MACROD2: variants seen among roughly 807,000 people sequenced by gnomAD.
The protein encoded by MACROD2 is mono-ADP ribosylhydrolase 2, also known as ADP-ribose glycohydrolase MACROD2.
In MACROD2, 36 loss-of-function variants were observed where a neutral mutation model predicts 70.4. The observed-to-expected ratio is 0.51, with a 90% confidence interval of 0.39 to 0.68. The LOEUF is 0.68. Ranked by LOEUF, MACROD2 falls within the 30% of genes least tolerant of loss-of-function variation. MACROD2 has a pLI of 0.00. For missense variants in MACROD2, 496 were observed against 538.4 expected (o/e 0.92, Z 0.78); for synonymous variants, 172 against 178.8 (o/e 0.96, Z 0.30).
chr20:15,208,303 C>G (rs6043134), intron 5 of MACROD2, among the ~76,000 whole-genome samples: 1 of 151,932 alleles, frequency 6.6e-6, no homozygotes, highest in African/African-American at 2.4e-5. Flanking sequence ...TTTGCTGAGA[C>G]TTTCTATCTG....
intron 3 of MACROD2, among the ~76,000 whole-genome samples, chr20:14,275,776 A>G (rs1187381444): frequency 4.6e-5 from 7 of 151,992 alleles, no homozygotes; most frequent in Non-Finnish European, 1.0e-4. Flanking sequence ...AACTCAAACA[A>G]ATTTACAAGA....
At chr20:14,351,414 A>C (rs958191415) in intron 3 of MACROD2, among the ~76,000 whole-genome samples, 4 of 151,940 alleles carry the variant, frequency 2.6e-5, no homozygotes, top group African/African-American at 9.7e-5. Context: ...TGTTGTCTTC[A>C]ATTTCTTGCA....
intron 8 of MACROD2, among the ~76,000 whole-genome samples, chr20:15,771,968 C>G (rs142905672): frequency 0.022 from 3,366 of 149,990 alleles, 119 homozygotes; most frequent in African/African-American, 0.079. Context: ...ACCTGTAGTC[C>G]CAGCTACTCA....
At chr20:15,800,798 G>A (rs1045943743) in intron 8 of MACROD2, among the ~76,000 whole-genome samples, 1 of 152,014 alleles carries the variant, frequency 6.6e-6, no homozygotes, top group Admixed American at 6.5e-5. Context: ...CTGTGTCTGT[G>A]TAGAAAGAGG....
chr20:15,154,748 C>T (rs147582866), intron 5 of MACROD2, among the ~76,000 whole-genome samples: 81 of 152,290 alleles, frequency 5.3e-4, no homozygotes, highest in African/African-American at 1.6e-3. Context: ...CGATCACTTC[C>T]CAAAGGCTCC....
At chr20:15,450,388 G>A (rs2046624267) in intron 7 of MACROD2, among the ~76,000 whole-genome samples, 1 of 151,828 alleles carries the variant, frequency 6.6e-6, no homozygotes, top group Non-Finnish European at 1.5e-5. Context: ...TTTCCCAAAT[G>A]ATACCTATTT....
chr20:15,279,721 C>G (rs1444675016), intron 6 of MACROD2, among the ~76,000 whole-genome samples: 2 of 152,104 alleles, frequency 1.3e-5, no homozygotes, highest in Non-Finnish European at 2.9e-5. Context: ...TTCATAATGA[C>G]TGTGGTATTG....
At chr20:14,709,636 G>A (rs1369896037) in intron 5 of MACROD2, among the ~76,000 whole-genome samples, 2 of 152,150 alleles carry the variant, frequency 1.3e-5, no homozygotes, top group Non-Finnish European at 1.5e-5. Context: ...GATGACAGCT[G>A]ACCTTTGGAT....
intron 3 of MACROD2, among the ~76,000 whole-genome samples, chr20:14,249,900 C>A (rs184116063): frequency 6.6e-6 from 1 of 151,860 alleles, no homozygotes; most frequent in Non-Finnish European, 1.5e-5. Context: ...CACCCAGACA[C>A]GGGGGTGGGG....
chr20:15,037,069 A>T (rs1479177948), intron 5 of MACROD2, among the ~76,000 whole-genome samples: 1 of 152,078 alleles, frequency 6.6e-6, no homozygotes, highest in African/African-American at 2.4e-5. Context: ...TCTCCTGCTT[A>T]GCTTATCTGT....
At chr20:14,672,436 A>C (rs182821480) in intron 4 of MACROD2, among the ~76,000 whole-genome samples, 2 of 152,306 alleles carry the variant, frequency 1.3e-5, no homozygotes, top group Admixed American at 1.3e-4. Flanking sequence ...TGACCAAAGC[A>C]AGTCATGAGA....
intron 3 of MACROD2, among the ~76,000 whole-genome samples, chr20:14,311,137 T>G (rs2082563666): frequency 6.6e-6 from 1 of 152,188 alleles, no homozygotes; most frequent in African/African-American, 2.4e-5. Flanking sequence ...GTTCTAGGCC[T>G]TCACATTCAC....
At chr20:14,676,624 A>T in intron 4 of MACROD2, among the ~76,000 whole-genome samples, 1 of 152,280 alleles carries the variant, frequency 6.6e-6, no homozygotes, top group East Asian at 1.9e-4. Flanking sequence ...TGAAAGATCT[A>T]AAATCGACAC....
intron 4 of MACROD2, among the ~76,000 whole-genome samples, chr20:14,585,140 AT>A (rs529495249): frequency 2.3e-4 from 35 of 152,302 alleles, no homozygotes; most frequent in African/African-American, 7.7e-4. Flanking sequence ...TAAGGGAACA[AT>A]AGCTGAGTCC....
At chr20:14,867,592 A>G (rs1010309942) in intron 5 of MACROD2, among the ~76,000 whole-genome samples, 1 of 152,134 alleles carries the variant, frequency 6.6e-6, no homozygotes, top group Non-Finnish European at 1.5e-5. Flanking sequence ...CCAGCCTTCT[A>G]TCTACATCTG....
chr20:15,783,885 T>G (rs1468979127), intron 8 of MACROD2, among the ~76,000 whole-genome samples: 1 of 152,046 alleles, frequency 6.6e-6, no homozygotes, highest in Non-Finnish European at 1.5e-5. Flanking sequence ...ACACTTAAAA[T>G]AGACTCATGC....
At chr20:15,191,916 G>A (rs2076572988) in intron 5 of MACROD2, among the ~76,000 whole-genome samples, 2 of 63,414 alleles carry the variant, frequency 3.2e-5, no homozygotes, top group South Asian at 1.5e-3. Flanking sequence ...ACACATATGT[G>A]TATATATATA....
At position 14,068,053 on chromosome 20, in the gene MACROD2, A is replaced by T. The variant is rs185893571; in HGVS notation, c.164-17568A>T. 3.3e-3 allele frequency among the ~76,000 whole-genome samples: 505 copies of T among 152,362 alleles called. 2 individuals are homozygous for T. The highest frequency in any genetic ancestry group is 9.9e-3 in the South Asian group (48 of 4,830). The stretch of plus-strand genomic sequence containing the variant: ...TATTTTAGGAAAGGGTAGAATTAGG[A>T]TGTCTGCAGATGGCTCCATTGTTCG... On this transcript the variant is annotated intron_variant, in intron 2 of 17. Transcript: ENST00000684519.
chr20:14,734,800 A>G (rs1329578286), intron 5 of MACROD2, among the ~76,000 whole-genome samples: 1 of 152,192 alleles, frequency 6.6e-6, no homozygotes, highest in East Asian at 1.9e-4. Flanking sequence ...ATATAGACCA[A>G]TGAAATAGAA....
Sources: gnomAD v4.1 joint callset for allele counts (sites outside exome capture counted in the v4.1 genomes callset) on GRCh38, gnomAD v4.1.1 for gene constraint, MANE v1.5 for transcripts, NCBI Gene and HGNC (gene_info 2026-07-23, HGNC 2026-07-21) for gene names.